TMEFF2: variants seen among roughly 807,000 people sequenced by gnomAD.
TMEFF2 encodes the protein transmembrane protein with EGF like and two follistatin like domains 2, also known as tomoregulin-2.
A neutral mutation model predicts 53.8 loss-of-function variants in TMEFF2; 28 were observed. The ratio of observed to expected loss-of-function variants is 0.52; its 90% CI spans 0.39 to 0.71. The LOEUF (loss-of-function observed/expected upper bound fraction) is 0.71. Among genes scored for constraint, TMEFF2 ranks in the 30% least tolerant of loss-of-function variants. TMEFF2 has a pLI of 0.00. For missense variants in TMEFF2, 353 were observed against 455.2 expected, an observed-to-expected ratio of 0.78 and a Z score of 2.04; for synonymous variants, 162 against 166.3, an observed-to-expected ratio of 0.97 and a Z score of 0.20.
intron 7 of TMEFF2, among the ~76,000 whole-genome samples, chr2:191,976,095 T>G (rs375693620): frequency 6.6e-6 from 1 of 152,204 alleles, no homozygotes; most frequent in African/African-American, 2.4e-5. Flanking sequence ...GACAGTGAAT[T>G]TTTGCAATAC....
chr2:191,968,331 G>C (rs1692526969), intron 7 of TMEFF2, among the ~76,000 whole-genome samples: 1 of 152,326 alleles, frequency 6.6e-6, no homozygotes, highest in South Asian at 2.1e-4. Flanking sequence ...CGGCAGGAAA[G>C]AAGACAAATA....
At chr2:191,961,425 T>A (rs1042178865) in intron 7 of TMEFF2, among the ~76,000 whole-genome samples, 1 of 152,196 alleles carries the variant, frequency 6.6e-6, no homozygotes, top group African/African-American at 2.4e-5. Flanking sequence ...AATCTTGCTA[T>A]TTTTTACATG....
In TMEFF2 at chr2:192,128,150, CA is replaced by C. The variant is rs1460616274; in HGVS notation, c.439+51517del. Among the ~76,000 whole-genome samples, 3 of 1,674 alleles carry C rather than the reference CA, an allele frequency of 1.8e-3. No homozygotes were observed. In the Non-Finnish European group the frequency reaches 0.027, roughly 15 times the overall value. 1.1% of individuals were successfully genotyped at this position (1,674 alleles called of 152,430 possible). On this transcript the variant is annotated intron_variant, in intron 4 of 9. Coordinates refer to ENST00000272771, the MANE Select transcript of TMEFF2 (RefSeq NM_016192.4). ...AGGTCCAAATAAATTGCATCTGTCA[CA>C]ATTTTTTTAAAATTTGCCATTACAG...
intron 4 of TMEFF2, among the ~76,000 whole-genome samples, chr2:192,146,530 T>C (rs1690253202): frequency 1.3e-5 from 2 of 151,896 alleles, no homozygotes; most frequent in Admixed American, 1.3e-4. Context: ...AAGTGTCTGC[T>C]TAGTCATCAG....
chr2:192,166,154 G>A (rs1452742854), intron 4 of TMEFF2, among the ~76,000 whole-genome samples: 1 of 152,152 alleles, frequency 6.6e-6, no homozygotes, highest in African/African-American at 2.4e-5. Context: ...GTGAAACTAA[G>A]TGGCTGTGAA....
chr2:191,958,164 C>T (rs1204116209), intron 7 of TMEFF2, among the ~76,000 whole-genome samples: 1 of 152,170 alleles, frequency 6.6e-6, no homozygotes, highest in African/African-American at 2.4e-5. Flanking sequence ...AGCGATCAAA[C>T]CATGCACCTG....
intron 5 of TMEFF2, chr2:192,032,147 T>C (rs921289243): frequency 6.6e-6 from 1 of 152,196 alleles, no homozygotes; most frequent in Non-Finnish European, 1.5e-5. Context: ...AAGATGATAC[T>C]TTTCTTGAAG....
intron 9 of TMEFF2, among the ~76,000 whole-genome samples, chr2:191,951,758 G>T (rs1691891367): frequency 6.6e-6 from 1 of 152,136 alleles, no homozygotes; most frequent in Non-Finnish European, 1.5e-5. Context: ...TCCTGGAAAG[G>T]CTCTAGAAGG....
At chr2:192,058,263 T>C (rs1355588322) in intron 4 of TMEFF2, among the ~76,000 whole-genome samples, 3 of 152,168 alleles carry the variant, frequency 2.0e-5, no homozygotes, top group African/African-American at 7.2e-5. Flanking sequence ...CCCCCATTTT[T>C]CCCCTCAAAC....
At chr2:192,035,903 G>A (rs1281008125) in intron 5 of TMEFF2, among the ~76,000 whole-genome samples, 2 of 152,004 alleles carry the variant, frequency 1.3e-5, no homozygotes, top group African/African-American at 2.4e-5. Flanking sequence ...ATTCTTCTCA[G>A]TGCTCAGCCT....
Position 192,166,886 on chromosome 2 carries a change from T to C in TMEFF2, c.439+12782A>G, listed in dbSNP as rs190425688. 3.5e-3 allele frequency among the ~76,000 whole-genome samples: 532 copies of C among 152,316 alleles called. 1 individual carries two copies. The highest frequency in any genetic ancestry group is 6.0e-3 in the Non-Finnish European group (408 of 68,028). ...CATATTTCTTACTTCAAGATATATA[T>C]GAATTTTTTAGAACAGTTTTTTAGA... On this transcript the variant is annotated intron_variant, in intron 4 of 9. Transcript: ENST00000272771.
intron 4 of TMEFF2, among the ~76,000 whole-genome samples, chr2:192,072,876 A>G (rs552177071): frequency 6.6e-6 from 1 of 151,834 alleles, no homozygotes; most frequent in Non-Finnish European, 1.5e-5. Flanking sequence ...AACCACCTCT[A>G]TATAGGAATA....
chr2:191,964,884 C>T (rs1692425930), intron 7 of TMEFF2, among the ~76,000 whole-genome samples: 1 of 152,146 alleles, frequency 6.6e-6, no homozygotes, highest in South Asian at 2.1e-4. Context: ...ACCACATCCT[C>T]CTTTTTGAAG....
At chr2:192,089,407 C>A (rs1330018567) in intron 4 of TMEFF2, among the ~76,000 whole-genome samples, 1 of 150,386 alleles carries the variant, frequency 6.6e-6, no homozygotes, top group African/African-American at 2.5e-5. Context: ...TAATTTTGCT[C>A]TTGAAATTCT....
At chr2:192,189,555 C>A (rs796346734) in intron 2 of TMEFF2, among the ~76,000 whole-genome samples, 79 of 41,104 alleles carry the variant, frequency 1.9e-3, no homozygotes, top group East Asian at 5.5e-3. Context: ...CCAAAAATTC[C>A]AAAAAAAAAA....
intron 4 of TMEFF2, among the ~76,000 whole-genome samples, chr2:192,125,714 T>G (rs1005686748): frequency 1.3e-5 from 2 of 152,204 alleles, no homozygotes; most frequent in African/African-American, 4.8e-5. Context: ...GATCATGTCT[T>G]TTGCGGGGAC....
rs200837722 is a variant in TMEFF2 at position 191,974,406 on chromosome 2, G to GT, written c.746-18029dup. Among the ~76,000 whole-genome samples the GT allele has an allele frequency of 2.8e-3, 422 of 150,432 alleles. 1 individual carries two copies. The highest frequency in any genetic ancestry group is 8.8e-3 in the African/African-American group (360 of 40,994). On this transcript the variant is annotated intron_variant, in intron 7 of 9. Coordinates refer to ENST00000272771, the MANE Select transcript of TMEFF2 (RefSeq NM_016192.4). ...TATATCATTCAATATGAAGAATGTG[G>GT]TTTTTTTTTGGAGGACTAAATTGCT...
At chr2:192,146,101 C>T (rs1053727761) in intron 4 of TMEFF2, among the ~76,000 whole-genome samples, 3 of 151,854 alleles carry the variant, frequency 2.0e-5, no homozygotes, top group Non-Finnish European at 4.4e-5. Context: ...AAAATATTCA[C>T]AAAAATATAA....
chr2:192,089,593 C>T (rs181791836), intron 4 of TMEFF2, among the ~76,000 whole-genome samples: 50 of 152,142 alleles, frequency 3.3e-4, no homozygotes, highest in Middle Eastern at 3.4e-3. Flanking sequence ...ACAGCATCTG[C>T]GATTTGGGTC....
Sources: gnomAD v4.1 joint callset for allele counts (sites outside exome capture counted in the v4.1 genomes callset) on GRCh38, gnomAD v4.1.1 for gene constraint, MANE v1.5 for transcripts, NCBI Gene and HGNC (gene_info 2026-07-23, HGNC 2026-07-21) for gene names.